CNTN4: variants seen among roughly 807,000 people sequenced by gnomAD.
CNTN4 encodes the protein contactin-4.
A neutral mutation model predicts 122.5 loss-of-function variants in CNTN4; 77 were observed. That is an observed-to-expected ratio of 0.63 (90% CI 0.52 to 0.76). The LOEUF is 0.76. Ranked by LOEUF, CNTN4 falls within the 30% of genes least tolerant of loss-of-function variation. The probability of loss-of-function intolerance (pLI) is 0.00; values close to 1 mark genes in which losing one functional copy is unlikely to be tolerated. For missense variants in CNTN4, 1,256 were observed against 1,259.1 expected (o/e 1.00, Z 0.04); for synonymous variants, 512 against 447.0 (o/e 1.15, Z -1.83).
chr3:2,161,337 A>T (rs1341202439), intron 2 of CNTN4, among the ~76,000 whole-genome samples: 1 of 152,174 alleles, frequency 6.6e-6, no homozygotes, highest in African/African-American at 2.4e-5. Flanking sequence ...ATACACAGAA[A>T]AATATCATCA....
At chr3:2,963,493 C>T (rs1190180464) in intron 13 of CNTN4, among the ~76,000 whole-genome samples, 1 of 152,194 alleles carries the variant, frequency 6.6e-6, no homozygotes, top group Non-Finnish European at 1.5e-5. Flanking sequence ...ATCCCACTGG[C>T]CTTTCTGTTC....
At chr3:2,634,687 A>AAT (rs869025837) in intron 4 of CNTN4, among the ~76,000 whole-genome samples, 10,028 of 132,932 alleles carry the variant, frequency 0.075, 398 homozygotes, top group African/African-American at 0.1. Flanking sequence ...AAAAAAAAAA[A>AAT]ATATATATAT....
chr3:2,450,440 G>C (rs1305462698), intron 3 of CNTN4, among the ~76,000 whole-genome samples: 1 of 152,090 alleles, frequency 6.6e-6, no homozygotes, highest in Non-Finnish European at 1.5e-5. Flanking sequence ...GGAGCTAGGA[G>C]ATAGAAGAGA....
At chr3:2,847,897 C>G (rs979385743) in intron 7 of CNTN4, among the ~76,000 whole-genome samples, 1 of 152,124 alleles carries the variant, frequency 6.6e-6, no homozygotes, top group African/African-American at 2.4e-5. Context: ...CAAAACAACT[C>G]AGAGAGTTGA....
intron 3 of CNTN4, among the ~76,000 whole-genome samples, chr3:2,487,018 A>G (rs1451488748): frequency 6.6e-6 from 1 of 152,188 alleles, no homozygotes. Context: ...AGCCTAGTTG[A>G]AATGGGCCAC....
chr3:2,904,368 C>A (rs578072581), intron 12 of CNTN4, among the ~76,000 whole-genome samples: 1 of 152,316 alleles, frequency 6.6e-6, no homozygotes, highest in East Asian at 1.9e-4. Flanking sequence ...GTAGAATGTA[C>A]TTCCATTCTG....
At chr3:3,042,818 T>C (rs1451127044) in intron 21 of CNTN4, 159 bp from the exon 22 acceptor site, 6 of 663,610 alleles carry the variant, frequency 9.0e-6, no homozygotes, top group South Asian at 7.4e-5. Context: ...TTTGGATAAT[T>C]TCTCAGGATA....
At chr3:2,527,015 T>C (rs1358756908) in intron 3 of CNTN4, among the ~76,000 whole-genome samples, 1 of 152,176 alleles carries the variant, frequency 6.6e-6, no homozygotes, top group Non-Finnish European at 1.5e-5. Context: ...TTGGATACTT[T>C]CTCAGAAAAC....
At position 2,590,744 on chromosome 3, in the gene CNTN4, T is replaced by G. The variant is rs180882065; in HGVS notation, c.55+19186T>G. Among the ~76,000 whole-genome samples the G allele has an allele frequency of 1.6e-3, 247 of 152,160 alleles. 2 individuals are homozygous for G. Among genetic ancestry groups the G allele is most frequent in the African/African-American group, 5.8e-3 (239 of 41,514 alleles). The stretch of plus-strand genomic sequence containing the variant: ...ATTTACTTTCTCTTTTGAATGGTCT[T>G]TCCCCTTCCTCCTTGCCTGTCTATG... On this transcript the variant is annotated intron_variant, in intron 4 of 24. Coordinates refer to ENST00000418658, the MANE Select transcript of CNTN4 (RefSeq NM_175607.3).
Position 2,312,941 on chromosome 3 carries a change from C to T in CNTN4, c.-144-26237C>T, listed in dbSNP as rs556984760. Reference sequence around the variant, plus strand: ...ATTAAGAACATAACAAAAATAAAAACACTGTGTGAAAATCTGTGAGTTAGG... The same window carrying T: ...ATTAAGAACATAACAAAAATAAAAATACTGTGTGAAAATCTGTGAGTTAGG... On this transcript the variant is annotated intron_variant, in intron 2 of 24. Transcript: ENST00000418658. 1.8e-3 allele frequency among the ~76,000 whole-genome samples: 275 copies of T among 151,974 alleles called. 1 individual carries two copies. The highest frequency in any genetic ancestry group is 6.4e-3 in the African/African-American group (265 of 41,488).
chr3:2,900,356 G>C lies in CNTN4; in HGVS notation c.941-329G>C, dbSNP rs185190509. Among the ~76,000 whole-genome samples the C allele has an allele frequency of 3.3e-4, 51 of 152,262 alleles. 1 individual carries two copies. Among genetic ancestry groups the C allele is most frequent in the Admixed American group, 3.0e-3 (46 of 15,290 alleles). ...ATACCAGCCTGGTTAAAAGTGGGAG[G>C]GGGGGTGATGGGAAGATATTCTCTA... On this transcript the variant is annotated intron_variant, in intron 10 of 24. Coordinates refer to ENST00000418658, the MANE Select transcript of CNTN4 (RefSeq NM_175607.3).
intron 6 of CNTN4, among the ~76,000 whole-genome samples, chr3:2,751,814 C>T (rs2090107191): frequency 6.6e-6 from 1 of 151,990 alleles, no homozygotes; most frequent in African/African-American, 2.4e-5. Context: ...CAGTACACAC[C>T]CCTACACTCA....
chr3:2,223,506 G>A (rs370893815), intron 2 of CNTN4, among the ~76,000 whole-genome samples: 9 of 152,264 alleles, frequency 5.9e-5, no homozygotes, highest in African/African-American at 2.2e-4. Flanking sequence ...TAATGTTTCT[G>A]TGTCTCAGTT....
intron 3 of CNTN4, among the ~76,000 whole-genome samples, chr3:2,562,693 CTT>C (rs35885719): frequency 6.8e-6 from 1 of 146,748 alleles, no homozygotes; most frequent in African/African-American, 2.5e-5. Flanking sequence ...GTGCATGTGT[CTT>C]TTTTTTTTTA....
At chr3:2,626,745 A>G (rs182370562) in intron 4 of CNTN4, among the ~76,000 whole-genome samples, 3 of 152,232 alleles carry the variant, frequency 2.0e-5, no homozygotes, top group East Asian at 1.9e-4. Context: ...ATAAAAGTTT[A>G]CTCTTACTGT....
chr3:2,703,591 G>GACT (rs1172345043), intron 4 of CNTN4, among the ~76,000 whole-genome samples: 13 of 152,048 alleles, frequency 8.5e-5, no homozygotes, highest in Non-Finnish European at 1.9e-4. Context: ...CAGTATCTAG[G>GACT]AATCTAGAAA....
At chr3:3,018,147 G>A (rs1184719367) in intron 14 of CNTN4, among the ~76,000 whole-genome samples, 1 of 152,162 alleles carries the variant, frequency 6.6e-6, no homozygotes, top group Non-Finnish European at 1.5e-5. Flanking sequence ...ATTTAAGGAT[G>A]AATTATTCTC....
Position 2,102,385 on chromosome 3 carries a change from G to A in CNTN4, c.-145+1746G>A, listed in dbSNP as rs77034613. On this transcript the variant is annotated intron_variant, in intron 2 of 24. Transcript: ENST00000418658. ...AAAATTGGGATAACATCTATTTCAC[G>A]GCATCACGATAGGGATTAAACATGA... Among the ~76,000 whole-genome samples the A allele has an allele frequency of 9.8e-3, 1,493 of 152,278 alleles. 16 individuals carry two copies. Among genetic ancestry groups the A allele is most frequent in the Middle Eastern group, 0.017 (5 of 292 alleles).
intron 7 of CNTN4, among the ~76,000 whole-genome samples, chr3:2,825,444 A>G (rs1454444819): frequency 1.3e-5 from 2 of 152,000 alleles, no homozygotes; most frequent in Non-Finnish European, 2.9e-5. Flanking sequence ...GGCTGGTCTC[A>G]AACTCCTGAC....
Sources: allele counts gnomAD v4.1 joint callset (sites outside exome capture counted in the v4.1 genomes callset), GRCh38; gene constraint gnomAD v4.1.1; transcripts MANE v1.5; gene names NCBI Gene and HGNC (gene_info 2026-07-23, HGNC 2026-07-21).